The following TASP1 variants were observed in gnomAD, a reference collection of about 807,000 sequenced individuals.
The protein encoded by TASP1 is threonine aspartase 1.
TASP1 carries 16 observed loss-of-function variants against 56.6 expected under a neutral mutation model. The ratio of observed to expected loss-of-function variants is 0.28; its 90% CI spans 0.19 to 0.43. TASP1 has a LOEUF of 0.43. TASP1 is among the 20% of genes least tolerant of loss of function. TASP1 has a pLI of 1.00. For synonymous variants in TASP1, 179 were observed against 184.2 expected, an observed-to-expected ratio of 0.97 and a Z score of 0.23; for missense variants, 393 against 511.6, an observed-to-expected ratio of 0.77 and a Z score of 2.24.
chr20:13,613,546 T>C (rs2079529489), intron 4 of TASP1, among the ~76,000 whole-genome samples: 1 of 152,104 alleles, frequency 6.6e-6, no homozygotes, highest in African/African-American at 2.4e-5. Flanking sequence ...AGAAAGCCTA[T>C]TTTCATCCAT....
At chr20:13,175,733 C>A in the TASP1 span, among the ~76,000 whole-genome samples, 4 of 152,196 alleles carry the variant, frequency 2.6e-5, no homozygotes, top group Admixed American at 6.5e-5. Context: ...GTGTACCTGG[C>A]AGAAGCCATT....
chr20:13,488,629 C>A (rs919156499), intron 10 of TASP1, among the ~76,000 whole-genome samples: 1 of 152,114 alleles, frequency 6.6e-6, no homozygotes, highest in African/African-American at 2.4e-5. Context: ...CTAGATGATT[C>A]TCCCGATATC....
At chr20:13,619,114 C>T (rs2147503003) in intron 4 of TASP1, among the ~76,000 whole-genome samples, 1 of 152,264 alleles carries the variant, frequency 6.6e-6, no homozygotes. Context: ...ACCTCATGAT[C>T]CATCCGCTTC....
the TASP1 span, among the ~76,000 whole-genome samples, chr20:13,371,919 TTTTG>T: frequency 6.6e-6 from 1 of 152,212 alleles, no homozygotes; most frequent in Non-Finnish European, 1.5e-5. Context: ...TAGTAATATA[TTTTG>T]TTTTAAAATC....
At chr20:13,480,881 A>T (rs949385984) in intron 11 of TASP1, among the ~76,000 whole-genome samples, 2 of 152,162 alleles carry the variant, frequency 1.3e-5, no homozygotes, top group Admixed American at 1.3e-4. Context: ...TGATACAGGA[A>T]TGCAATGTGA....
chr20:13,417,643 T>C (rs1371011873), intron 12 of TASP1, 122 bp from the exon 13 acceptor site: 6 of 999,830 alleles, frequency 6.0e-6, no homozygotes, highest in Non-Finnish European at 7.2e-6. Flanking sequence ...CCACTTTCCA[T>C]TTGCTTGTTC....
the TASP1 span, among the ~76,000 whole-genome samples, chr20:13,268,040 C>T: frequency 2.0e-5 from 3 of 152,208 alleles, no homozygotes; most frequent in African/African-American, 7.2e-5. Context: ...CAAATGCATT[C>T]AGCTATCTCC....
Position 13,576,249 on chromosome 20 carries a change from GAAGAT to G in TASP1, c.488+4643_488+4647del, listed in dbSNP as rs1431259355. On this transcript the variant is annotated intron_variant, in intron 6 of 13. Coordinates refer to ENST00000337743, the MANE Select transcript of TASP1 (RefSeq NM_017714.3). ...GGAGGGGAGGGGAGCGGAGGGAAGG[GAAGAT>G]AAGAGAAGAGAAAGGAAGGGAAGAG... 1.3e-3 allele frequency among the ~76,000 whole-genome samples: 194 copies of G among 146,246 alleles called. 2 individuals carry two copies. Among genetic ancestry groups the G allele is most frequent in the East Asian group, 4.8e-3 (24 of 5,036 alleles).
intron 1 of TASP1, among the ~76,000 whole-genome samples, chr20:13,632,191 C>T (rs1037713065): frequency 1.3e-5 from 2 of 151,652 alleles, no homozygotes; most frequent in South Asian, 2.1e-4. Flanking sequence ...GGTAAAACCC[C>T]GTCTCCACTA....
At chr20:13,279,443 C>A in the TASP1 span, among the ~76,000 whole-genome samples, 1 of 152,194 alleles carries the variant, frequency 6.6e-6, no homozygotes. Context: ...AAGCCATGTT[C>A]CATCTAGCCG....
chr20:13,588,822 A>G (rs1361343675), intron 4 of TASP1, among the ~76,000 whole-genome samples: 1 of 152,162 alleles, frequency 6.6e-6, no homozygotes, highest in Non-Finnish European at 1.5e-5. Flanking sequence ...CCTAAAATTC[A>G]TATGGAAATG....
At chr20:13,126,757 T>G in the TASP1 span, 1 of 1,609,854 alleles carries the variant, frequency 6.2e-7, no homozygotes, top group South Asian at 1.1e-5. Flanking sequence ...TGGACCTCTC[T>G]GTCTCCCTTC....
At chr20:13,392,291 C>T (rs1201369427) in intron 13 of TASP1, among the ~76,000 whole-genome samples, 1 of 152,158 alleles carries the variant, frequency 6.6e-6, no homozygotes, top group East Asian at 1.9e-4. Flanking sequence ...ACATGCCCTG[C>T]TCATACATCT....
chr20:13,105,163 C>A, the TASP1 span, among the ~76,000 whole-genome samples: 1 of 152,118 alleles, frequency 6.6e-6, no homozygotes, highest in African/African-American at 2.4e-5. Flanking sequence ...GAGGAACATG[C>A]CAGGGGCTAA....
chr20:13,214,570 G>GAC, the TASP1 span, among the ~76,000 whole-genome samples: 1 of 151,478 alleles, frequency 6.6e-6, no homozygotes, highest in African/African-American at 2.4e-5. Flanking sequence ...CACAGAGAGA[G>GAC]AGAGAGAGAG....
chr20:13,507,088 A>T (rs975959189), intron 10 of TASP1, among the ~76,000 whole-genome samples: 4 of 152,226 alleles, frequency 2.6e-5, no homozygotes, highest in African/African-American at 9.6e-5. Context: ...CACAAAATCA[A>T]CATACAAAAA....
chr20:13,438,125 G>C (rs2043076532), intron 11 of TASP1, among the ~76,000 whole-genome samples: 1 of 152,018 alleles, frequency 6.6e-6, no homozygotes, highest in Non-Finnish European at 1.5e-5. Context: ...AGCTACCAAT[G>C]ACTTTCTTTA....
At chr20:13,502,991 TGA>T (rs2044001492) in intron 10 of TASP1, among the ~76,000 whole-genome samples, 1 of 152,070 alleles carries the variant, frequency 6.6e-6, no homozygotes, top group South Asian at 2.1e-4. Flanking sequence ...CAATGGAAAG[TGA>T]GAGTGCAGTG....
chr20:13,629,491 A>T (rs2049012117), intron 2 of TASP1, among the ~76,000 whole-genome samples: 1 of 149,432 alleles, frequency 6.7e-6, no homozygotes, highest in African/African-American at 2.4e-5. Context: ...TATTTTATTG[A>T]GATGGTGTCT....
Sources: allele counts gnomAD v4.1 joint callset (sites outside exome capture counted in the v4.1 genomes callset), GRCh38; gene constraint gnomAD v4.1.1; transcripts MANE v1.5; gene names NCBI Gene and HGNC (gene_info 2026-07-23, HGNC 2026-07-21).